Variants in LIG1 observed in about 807,000 individuals in gnomAD.
The protein encoded by LIG1 is ligase I, DNA, ATP-dependent.
In LIG1, 70 loss-of-function variants were observed where a neutral mutation model predicts 115.7. That is an observed-to-expected ratio of 0.60 (90% CI 0.50 to 0.74). The LOEUF (loss-of-function observed/expected upper bound fraction) is 0.74, where lower values mean the gene tolerates loss of function less well. LIG1 is among the 30% of genes least tolerant of loss of function. LIG1 has a pLI of 0.00. For synonymous variants in LIG1, 487 were observed against 495.3 expected (o/e 0.98, Z 0.22); for missense variants, 1,115 against 1,225.6 (o/e 0.91, Z 1.35).
At chr19:48,119,978 A>G (rs966476647) in intron 24 of LIG1, among the ~76,000 whole-genome samples, 5 of 152,252 alleles carry the variant, frequency 3.3e-5, no homozygotes, top group Non-Finnish European at 5.9e-5. Context: ...TCACCTGGAA[A>G]GCCCCTTTTG....
In LIG1 at chr19:48,162,295, G is replaced by T. The variant is rs1438428740; in HGVS notation, c.74C>A (p.Ser25Tyr). Reference sequence around the variant, plus strand: ...GGGCTCCGTCTCTCTGCTGCTATTGGATGCCTCCTTCTCAGGCTTCTTTGC... The same window carrying T: ...GGGCTCCGTCTCTCTGCTGCTATTGTATGCCTCCTTCTCAGGCTTCTTTGC... ...GKAKKPEKEA[S>Y]NSSRETEPPP... is the part of the protein sequence containing the mutation. The change falls in exon 3 of 28, where the codon TCC (serine) becomes TAC (tyrosine). Residue 25 changes from serine (S) to tyrosine (Y), a missense_variant. Transcript: ENST00000263274. 8.7e-6 allele frequency: 14 copies of T among 1,614,062 alleles called. No homozygotes were observed. The highest frequency in any genetic ancestry group is 1.1e-5 in the Non-Finnish European group (13 of 1,179,978).
intron 11 of LIG1, 23 bp downstream of exon 11, chr19:48,143,519 AC>A: frequency 1.1e-5 from 6 of 564,806 alleles, no homozygotes; most frequent in Non-Finnish European, 2.0e-5. Flanking sequence ...CCCGCCCCCC[AC>A]CCAGGCAGTC....
At chr19:48,149,880 TC>T (rs750762136) in intron 8 of LIG1, 39 bp from the exon 9 acceptor site, 47 of 1,595,164 alleles carry the variant, frequency 2.9e-5, no homozygotes, top group Non-Finnish European at 3.9e-5. Context: ...CTTTTCTCCT[TC>T]CGGTAGCCCC....
intron 20 of LIG1, 142 bp downstream of exon 20, chr19:48,127,768 C>T: frequency 1.3e-6 from 1 of 796,588 alleles, no homozygotes; most frequent in East Asian, 2.4e-5. Flanking sequence ...GGAGCTGTGG[C>T]AGCCATTCTG....
chr19:48,151,179 T>C, intron 7 of LIG1, 53 bp downstream of exon 7: 1 of 1,112,868 alleles, frequency 9.0e-7, no homozygotes, highest in South Asian at 1.3e-5. Context: ...CAAAGACTTC[T>C]GACCCCAAAA....
intron 9 of LIG1, chr19:48,147,487 G>A (rs1398032394): frequency 6.6e-6 from 1 of 151,760 alleles, no homozygotes; most frequent in Non-Finnish European, 1.5e-5. Context: ...CCTGGGCAAT[G>A]TAGTAGGACC....
At position 48,161,461 on chromosome 19, in the gene LIG1, G is replaced by T. The variant is rs185089911; in HGVS notation, c.154C>A (p.Pro52Thr). Residue 52 changes from proline (P) to threonine (T), a missense_variant, in exon 4 of 28, where the codon CCG (proline) becomes ACG (threonine). Physicochemically the swap from Pro to Thr is conservative, Grantham distance 38 (BLOSUM62 -1). Transcript: ENST00000263274. ...GCCTTCCTCCCTGGCCTCTTCACCG[G>T]AGAGTCACTCTCGGACACCACTCCA... ...WNGVVSESDS[P>T]VKRPGRKAAR... 5.6e-5 allele frequency: 90 copies of T among 1,614,158 alleles called. No individual in the cohort carries two copies. The Admixed American group carries it at 1.4e-3, about 26-fold the overall frequency.
intron 17 of LIG1, 65 bp downstream of exon 17, chr19:48,133,916 C>G: frequency 7.2e-7 from 1 of 1,388,512 alleles, no homozygotes; most frequent in Non-Finnish European, 1.0e-6. Flanking sequence ...CGATGGCCAC[C>G]CTCACGCCGA....
At chr19:48,149,047 C>G (rs555075090) in intron 9 of LIG1, among the ~76,000 whole-genome samples, 10 of 152,288 alleles carry the variant, frequency 6.6e-5, no homozygotes, top group African/African-American at 1.9e-4. Flanking sequence ...TACTGGCTCA[C>G]GCCTGTAATC....
chr19:48,164,921 T>C (rs1303226359), intron 2 of LIG1, among the ~76,000 whole-genome samples: 3 of 152,164 alleles, frequency 2.0e-5, no homozygotes, highest in Admixed American at 1.3e-4. Context: ...AGCCACTAGA[T>C]GCCAATGGCA....
At chr19:48,162,433 C>CT (rs781263098) in intron 2 of LIG1, 82 bp from the exon 3 acceptor site, 63,486 of 626,240 alleles carry the variant, frequency 0.1, 107 homozygotes, top group Middle Eastern at 0.13. Flanking sequence ...CTATAACTTC[C>CT]TTTTTTTTTT....
intron 11 of LIG1, among the ~76,000 whole-genome samples, chr19:48,142,070 G>A (rs2034794749): frequency 6.6e-6 from 1 of 152,154 alleles, no homozygotes; most frequent in Non-Finnish European, 1.5e-5. Flanking sequence ...GGGAGGCCGA[G>A]GCGGGCCGAT....
intron 11 of LIG1, among the ~76,000 whole-genome samples, chr19:48,140,615 C>T (rs935320640): frequency 1.3e-5 from 2 of 152,260 alleles, no homozygotes; most frequent in African/African-American, 2.4e-5. Flanking sequence ...CTGGCTTCCC[C>T]GATTGCTCCT....
At chr19:48,149,921 A>C (rs1280371887) in intron 8 of LIG1, 80 bp from the exon 9 acceptor site, 2 of 1,537,168 alleles carry the variant, frequency 1.3e-6, no homozygotes, top group Non-Finnish European at 1.8e-6. Context: ...ACCCAGCACC[A>C]CCCCAGTGCT....
At position 48,137,455 on chromosome 19, in the gene LIG1, T is replaced by C; in HGVS notation, c.1254+67A>G. On this transcript the variant is annotated intron_variant, in intron 13 of 27. Transcript: ENST00000263274. This position sits in a 1 kb window ranked among gnomAD's most constrained non-coding sequence, Gnocchi z 4.3. ...CTGATGGTCTACCCAGAAGCCTTCC[T>C]GACACACGCGTGGCCTCAGGTCCCC... The C allele has an allele frequency of 6.3e-7, 1 of 1,589,326 alleles. No homozygotes were observed. Among genetic ancestry groups the C allele is most frequent in the Non-Finnish European group, 8.5e-7 (1 of 1,172,092 alleles).
Position 48,167,638 on chromosome 19 carries a change from C to T in LIG1, c.-57-2015G>A, listed in dbSNP as rs140215437. On this transcript the variant is annotated intron_variant, in intron 1 of 27. Coordinates refer to ENST00000263274, the MANE Select transcript of LIG1 (RefSeq NM_000234.3). ...TCAGGAGTTCAAGACCAGCCTGGCCCGCATGGTGAAACCCCATCTCTACTA... is the reference window on the plus strand; with the variant it reads ...TCAGGAGTTCAAGACCAGCCTGGCCTGCATGGTGAAACCCCATCTCTACTA... Among the ~76,000 whole-genome samples, 956 of 151,838 alleles carry T rather than the reference C, an allele frequency of 6.3e-3. 10 individuals are homozygous for T. Among genetic ancestry groups the T allele is most frequent in the Middle Eastern group, 0.037 (11 of 294 alleles).
At chr19:48,131,859 G>A (rs1342597982) in intron 18 of LIG1, among the ~76,000 whole-genome samples, 1 of 151,396 alleles carries the variant, frequency 6.6e-6, no homozygotes, top group Non-Finnish European at 1.5e-5. Context: ...TGTCACTATC[G>A]TAAATCATCT....
Position 48,117,668 on chromosome 19 carries a change from G to A in LIG1, c.2553C>T (p.Leu851=). 6.2e-7 allele frequency: 1 copy of A among 1,612,886 alleles called. No individual in the cohort carries two copies. The highest frequency in any genetic ancestry group is 8.5e-7 in the Non-Finnish European group (1 of 1,179,656). Residue 851 remains leucine, a synonymous_variant, in exon 26 of 28, where the codon CTC becomes CTT. Transcript: ENST00000263274. Reference sequence around the variant, plus strand: ...CCCGCGCAGCAGGGTAGATGGGAGAGAGGGAGAGGTCAGCGCACTTCACCT... The same window carrying A: ...CCCGCGCAGCAGGGTAGATGGGAGAAAGGGAGAGGTCAGCGCACTTCACCT... ...VWEVKCADLS[L]SPIYPAARGL...
At chr19:48,166,736 C>T (rs1245163519) in intron 1 of LIG1, among the ~76,000 whole-genome samples, 3 of 151,812 alleles carry the variant, frequency 2.0e-5, no homozygotes, top group African/African-American at 4.8e-5. Context: ...TTTGGGAGGC[C>T]GAAGCGGGTG....
Sources: allele counts gnomAD v4.1 joint callset (sites outside exome capture counted in the v4.1 genomes callset), GRCh38; gene constraint gnomAD v4.1.1; non-coding constraint Gnocchi (gnomAD v3.1); transcripts MANE v1.5; gene names NCBI Gene and HGNC (gene_info 2026-07-23, HGNC 2026-07-21).